The following SLC27A6 variants were observed in gnomAD, a reference collection of about 807,000 sequenced individuals.
The protein encoded by SLC27A6 is long-chain fatty acid transport protein 6.
A neutral mutation model predicts 63.9 loss-of-function variants in SLC27A6; 74 were observed. That is an observed-to-expected ratio of 1.16 (90% confidence interval 0.96 to 1.40). The LOEUF is 1.40. Among genes scored for constraint, SLC27A6 ranks in the 40% most tolerant of loss-of-function variants. SLC27A6 has a pLI of 0.00. For synonymous variants in SLC27A6, 287 were observed against 260.8 expected (o/e 1.10, Z -0.97); for missense variants, 794 against 732.9 (o/e 1.08, Z -0.96).
intron 1 of SLC27A6, among the ~76,000 whole-genome samples, chr5:128,975,357 GCAAA>G (rs1350363812): frequency 1.2e-4 from 18 of 152,186 alleles, no homozygotes; most frequent in Non-Finnish European, 2.5e-4. Flanking sequence ...AAAAACAAAA[GCAAA>G]CAAACAAACA....
At chr5:129,029,088 A>G (rs1200652844) in intron 8 of SLC27A6, among the ~76,000 whole-genome samples, 1 of 152,030 alleles carries the variant, frequency 6.6e-6, no homozygotes, top group African/African-American at 2.4e-5. Flanking sequence ...AGATTCCAGG[A>G]CATTCTGACC....
At chr5:128,998,734 CATTGACT>C in intron 4 of SLC27A6, among the ~76,000 whole-genome samples, 1 of 152,236 alleles carries the variant, frequency 6.6e-6, no homozygotes, top group Non-Finnish European at 1.5e-5. Context: ...CTATTTTTCA[CATTGACT>C]ATTCCTTAAA....
At chr5:128,978,592 T>G (rs564220575) in intron 1 of SLC27A6, among the ~76,000 whole-genome samples, 1 of 152,180 alleles carries the variant, frequency 6.6e-6, no homozygotes, top group Non-Finnish European at 1.5e-5. Context: ...CCTATCACAG[T>G]GCACATTATC....
chr5:129,018,462 T>G (rs558178669), intron 5 of SLC27A6, among the ~76,000 whole-genome samples: 1 of 152,062 alleles, frequency 6.6e-6, no homozygotes, highest in Non-Finnish European at 1.5e-5. Context: ...CAAAAGAAGG[T>G]GCAAACTATT....
intron 1 of SLC27A6, among the ~76,000 whole-genome samples, chr5:128,984,235 A>T (rs759691432): frequency 6.6e-6 from 1 of 152,196 alleles, no homozygotes; most frequent in African/African-American, 2.4e-5. Context: ...TACACAAAAG[A>T]CTGTATAGGA....
rs910535782 is a variant in SLC27A6 at position 128,971,352 on chromosome 5, G to T, written c.481+4734G>T. On this transcript the variant is annotated intron_variant, in intron 1 of 9. Transcript: ENST00000262462. ...CTCATTGATCTGTCTAATATTGACA[G>T]TGGGGTGTTAAAGTCTCCTATTATT... 4.6e-5 allele frequency among the ~76,000 whole-genome samples: 7 copies of T among 152,246 alleles called. No individual in the cohort carries two copies. In the East Asian group the frequency reaches 1.4e-3, roughly 29 times the overall value.
intron 4 of SLC27A6, among the ~76,000 whole-genome samples, chr5:128,996,595 ATTT>A (rs1318447657): frequency 6.6e-6 from 1 of 151,714 alleles, no homozygotes. Flanking sequence ...TTTTTTTATT[ATTT>A]TGTTTTGTTT....
At chr5:129,031,183 T>C (rs1283362357) in intron 9 of SLC27A6, among the ~76,000 whole-genome samples, 1 of 152,054 alleles carries the variant, frequency 6.6e-6, no homozygotes, top group Non-Finnish European at 1.5e-5. Flanking sequence ...AAAAAGAACA[T>C]GGACCATGAC....
chr5:128,996,718 G>T (rs1751172636), intron 4 of SLC27A6, among the ~76,000 whole-genome samples: 1 of 152,050 alleles, frequency 6.6e-6, no homozygotes, highest in African/African-American at 2.4e-5. Flanking sequence ...TTCTCCAAAA[G>T]AATGTATCAT....
chr5:129,026,046 G>T (rs2538020), intron 6 of SLC27A6, among the ~76,000 whole-genome samples: 2 of 152,016 alleles, frequency 1.3e-5, no homozygotes, highest in Admixed American at 1.3e-4. Context: ...GAGGTGGGAG[G>T]ATCGGTTGAG....
At chr5:129,004,334 A>C (rs1751446367) in intron 4 of SLC27A6, among the ~76,000 whole-genome samples, 1 of 151,858 alleles carries the variant, frequency 6.6e-6, no homozygotes, top group African/African-American at 2.4e-5. Context: ...CTTGCTCCCT[A>C]GCTCTGACTC....
intron 2 of SLC27A6, among the ~76,000 whole-genome samples, 189 bp from the exon 3 acceptor site, chr5:128,988,411 C>T (rs1750863683): frequency 6.6e-6 from 1 of 152,210 alleles, no homozygotes. Flanking sequence ...AGGAGCGTTG[C>T]TAAAGTCAGA....
At chr5:128,967,743 A>G (rs996023115) in intron 1 of SLC27A6, among the ~76,000 whole-genome samples, 47 of 149,676 alleles carry the variant, frequency 3.1e-4, no homozygotes, top group Admixed American at 8.7e-4. Context: ...TGGCAAATGT[A>G]TACTTTTTCT....
intron 4 of SLC27A6, among the ~76,000 whole-genome samples, chr5:129,005,622 T>C (rs968037271): frequency 7.0e-6 from 1 of 143,308 alleles, no homozygotes; most frequent in African/African-American, 2.6e-5. Flanking sequence ...TTTTTTTTTT[T>C]TTTTTTGCGA....
chr5:128,972,971 G>T (rs537824204), intron 1 of SLC27A6, among the ~76,000 whole-genome samples: 3 of 152,102 alleles, frequency 2.0e-5, no homozygotes, highest in African/African-American at 4.8e-5. Flanking sequence ...CCTTTTTGTT[G>T]GTGTTGATGC....
At chr5:129,005,953 G>A (rs964584698) in intron 4 of SLC27A6, among the ~76,000 whole-genome samples, 7 of 151,692 alleles carry the variant, frequency 4.6e-5, no homozygotes, top group African/African-American at 7.3e-5. Context: ...TTGCAAAAAC[G>A]GGACATGGCT....
At chr5:128,970,306 A>G (rs878939467) in intron 1 of SLC27A6, among the ~76,000 whole-genome samples, 16 of 152,026 alleles carry the variant, frequency 1.1e-4, no homozygotes, top group African/African-American at 2.9e-4. Context: ...CTCTTTTTCT[A>G]TTGATTGGAA....
rs989832083 is a variant in SLC27A6, at chr5:129,016,065, A to G, written c.1150A>G (p.Asn384Asp). The change falls in exon 5 of 10, where the codon AAT becomes GAT. Residue 384 changes from asparagine (N) to aspartate (D), a missense_variant. Asn to Asp is a conservative substitution (Grantham distance 23, BLOSUM62 1). Coordinates refer to ENST00000262462, the MANE Select transcript of SLC27A6 (RefSeq NM_001017372.3). Reference sequence around the variant, plus strand: ...GAGAATTGGAGCAATTGGGAGAACAAATTTGTTTTACAAAGTAAGTACAGC... The same window carrying G: ...GAGAATTGGAGCAATTGGGAGAACAGATTTGTTTTACAAAGTAAGTACAGC... ...TGRIGAIGRT[N>D]LFYKLLSTFD... is the part of the protein sequence containing the mutation. The G allele has an allele frequency of 1.2e-5, 19 of 1,590,000 alleles. No homozygotes were observed. The highest frequency in any genetic ancestry group is 1.5e-5 in the Non-Finnish European group (18 of 1,173,038).
At chr5:129,031,899 T>G (rs1372704332) in intron 9 of SLC27A6, among the ~76,000 whole-genome samples, 2 of 151,868 alleles carry the variant, frequency 1.3e-5, no homozygotes, top group Admixed American at 1.3e-4. Context: ...CAGTGTTGGA[T>G]CAGGGGAGAT....
Sources: allele counts gnomAD v4.1 joint callset (sites outside exome capture counted in the v4.1 genomes callset), GRCh38; gene constraint gnomAD v4.1.1; transcripts MANE v1.5; gene names NCBI Gene and HGNC (gene_info 2026-07-23, HGNC 2026-07-21).